PALM2AKAP2: variants seen among roughly 807,000 people sequenced by gnomAD.
PALM2AKAP2 encodes PALM2-AKAP2 fusion protein.
PALM2AKAP2 carries 37 observed loss-of-function variants against 71.5 expected under a neutral mutation model. The observed-to-expected ratio is 0.52, with a 90% confidence interval of 0.40 to 0.68. PALM2AKAP2 has a LOEUF of 0.68. PALM2AKAP2 is among the 30% of genes least tolerant of loss of function. PALM2AKAP2 has a pLI of 0.00. For missense variants in PALM2AKAP2, 1,224 were observed against 1,191.8 expected (o/e 1.03, Z -0.40); for synonymous variants, 468 against 478.8 (o/e 0.98, Z 0.29).
At chr9:109,821,786 C>G (rs372622522) in intron 1 of PALM2AKAP2, among the ~76,000 whole-genome samples, 120 of 152,294 alleles carry the variant, frequency 7.9e-4, no homozygotes, top group Middle Eastern at 3.4e-3. Context: ...TCATCTCCCC[C>G]CTGGACGTGA....
chr9:110,004,120 A>G (rs1440334585), intron 6 of PALM2AKAP2, among the ~76,000 whole-genome samples: 2 of 152,144 alleles, frequency 1.3e-5, no homozygotes, highest in African/African-American at 4.8e-5. Context: ...ATTTCTTTCT[A>G]GCATCGATGG....
At chr9:110,109,751 T>C (rs1835202988) in intron 1 of PALM2AKAP2, among the ~76,000 whole-genome samples, 1 of 151,884 alleles carries the variant, frequency 6.6e-6, no homozygotes, top group African/African-American at 2.4e-5. Flanking sequence ...TATGTGGAGG[T>C]ACCAGCAAGG....
chr9:109,770,488 A>G (rs1829243321), intron 1 of PALM2AKAP2, among the ~76,000 whole-genome samples: 1 of 152,238 alleles, frequency 6.6e-6, no homozygotes, highest in African/African-American at 2.4e-5. Context: ...CACACAGTAG[A>G]ACACTTTATA....
intron 1 of PALM2AKAP2, among the ~76,000 whole-genome samples, chr9:109,677,951 C>T (rs965760571): frequency 1.3e-5 from 2 of 152,246 alleles, no homozygotes; most frequent in Non-Finnish European, 1.5e-5. Flanking sequence ...AAAATTAGTA[C>T]CCGATAAACT....
chr9:110,159,121 G>A (rs1240937512), intron 3 of PALM2AKAP2, among the ~76,000 whole-genome samples: 3 of 152,160 alleles, frequency 2.0e-5, no homozygotes, highest in African/African-American at 4.8e-5. Context: ...CAGAAGGATA[G>A]TAATAGAGAG....
intron 1 of PALM2AKAP2, among the ~76,000 whole-genome samples, chr9:110,056,249 C>T (rs73657333): frequency 0.043 from 6,622 of 152,278 alleles, 461 homozygotes; most frequent in African/African-American, 0.14. Flanking sequence ...CCTCCCAGTG[C>T]AGCTGACTGC....
At chr9:109,804,264 G>A (rs796878341) in intron 1 of PALM2AKAP2, among the ~76,000 whole-genome samples, 5 of 152,242 alleles carry the variant, frequency 3.3e-5, no homozygotes, top group African/African-American at 1.2e-4. Context: ...AAATAAGATA[G>A]TCAGCATGGC....
intron 1 of PALM2AKAP2, among the ~76,000 whole-genome samples, chr9:109,791,041 C>T (rs746102394): frequency 3.3e-5 from 5 of 152,090 alleles, no homozygotes; most frequent in Admixed American, 3.3e-4. Flanking sequence ...CCACAAAACC[C>T]GAAGGATATT....
At chr9:109,715,794 G>C (rs897921991) in intron 1 of PALM2AKAP2, among the ~76,000 whole-genome samples, 6 of 152,134 alleles carry the variant, frequency 3.9e-5, no homozygotes, top group Non-Finnish European at 8.8e-5. Flanking sequence ...TCCATTAGAG[G>C]TCATGCTTAG....
chr9:109,901,488 C>T (rs913787247), intron 3 of PALM2AKAP2, among the ~76,000 whole-genome samples: 1 of 152,160 alleles, frequency 6.6e-6, no homozygotes, highest in African/African-American at 2.4e-5. Flanking sequence ...GGAGGTTCTT[C>T]GCAGGATCTT....
At chr9:109,815,077 C>G (rs13300207) in intron 1 of PALM2AKAP2, among the ~76,000 whole-genome samples, 1 of 151,996 alleles carries the variant, frequency 6.6e-6, no homozygotes, top group Non-Finnish European at 1.5e-5. Context: ...TAGGGATAGA[C>G]TGACATGAGA....
chr9:109,807,558 C>A (rs1827611622), intron 1 of PALM2AKAP2, among the ~76,000 whole-genome samples: 3 of 133,376 alleles, frequency 2.2e-5, no homozygotes, highest in Admixed American at 2.2e-4. Context: ...CTCTCTGGGA[C>A]CTTTTTTTTT....
At chr9:109,674,951 C>T (rs563147035) in intron 1 of PALM2AKAP2, among the ~76,000 whole-genome samples, 91 of 151,886 alleles carry the variant, frequency 6.0e-4, no homozygotes, top group Non-Finnish European at 1.1e-3. Context: ...CACATATAAC[C>T]ACTCTGTTTT....
At chr9:109,657,581 G>T (rs1444043940) in intron 1 of PALM2AKAP2, among the ~76,000 whole-genome samples, 2 of 151,964 alleles carry the variant, frequency 1.3e-5, no homozygotes, top group Non-Finnish European at 2.9e-5. Context: ...GAGACAGAAA[G>T]AACATACCCA....
intron 5 of PALM2AKAP2, among the ~76,000 whole-genome samples, chr9:109,930,515 C>T (rs1478959119): frequency 3.9e-5 from 6 of 152,200 alleles, no homozygotes; most frequent in African/African-American, 1.2e-4. Flanking sequence ...CATGAGCCAC[C>T]GCGCCCGGCG....
At chr9:110,016,827 T>C (rs1456034603) in intron 7 of PALM2AKAP2, among the ~76,000 whole-genome samples, 1 of 152,206 alleles carries the variant, frequency 6.6e-6, no homozygotes, top group Non-Finnish European at 1.5e-5. Flanking sequence ...ACTTATGAAT[T>C]TTTCTTTGAA....
intron 1 of PALM2AKAP2, among the ~76,000 whole-genome samples, chr9:109,823,707 A>C (rs955609891): frequency 2.6e-5 from 4 of 152,208 alleles, no homozygotes; most frequent in East Asian, 3.9e-4. Context: ...GGGGTCTCAG[A>C]AAACATCTAC....
chr9:109,796,682 C>G (rs200972188), intron 1 of PALM2AKAP2, among the ~76,000 whole-genome samples: 1 of 147,296 alleles, frequency 6.8e-6, no homozygotes, highest in Non-Finnish European at 1.5e-5. Flanking sequence ...TCTTACGTGG[C>G]AACAGGTGAG....
intron 2 of PALM2AKAP2, among the ~76,000 whole-genome samples, chr9:109,877,800 T>C (rs879026850): frequency 3.3e-5 from 5 of 152,204 alleles, no homozygotes; most frequent in Admixed American, 3.3e-4. Flanking sequence ...GCTCAGGCTG[T>C]TAGCCACTGT....
Sources: gnomAD v4.1 joint callset for allele counts (sites outside exome capture counted in the v4.1 genomes callset) on GRCh38, gnomAD v4.1.1 for gene constraint, MANE v1.5 for transcripts, NCBI Gene and HGNC (gene_info 2026-07-23, HGNC 2026-07-21) for gene names.